The following CLIC4 variants were observed in gnomAD, a reference collection of about 807,000 sequenced individuals.
CLIC4 encodes CLIC family member 4.
Under a neutral mutation model 24.6 loss-of-function variants are expected in CLIC4, and 13 were observed. That is an observed-to-expected ratio of 0.53 (90% confidence interval 0.34 to 0.84). The LOEUF is 0.84. Among genes scored for constraint, CLIC4 ranks in the 40% least tolerant of loss-of-function variants. CLIC4 has a pLI of 0.01. For missense variants in CLIC4, 227 were observed against 301.7 expected (o/e 0.75, Z 1.83); for synonymous variants, 104 against 111.3 (o/e 0.93, Z 0.41).
At chr1:24,784,101 C>T (rs1273171658) in intron 1 of CLIC4, among the ~76,000 whole-genome samples, 1 of 150,640 alleles carries the variant, frequency 6.6e-6, no homozygotes, top group Non-Finnish European at 1.5e-5. Context: ...TTGTGTTTCA[C>T]TCTATTTTCA....
chr1:24,815,699 C>G (rs1033526276), intron 3 of CLIC4, among the ~76,000 whole-genome samples: 5 of 152,134 alleles, frequency 3.3e-5, no homozygotes, highest in African/African-American at 1.2e-4. Context: ...CTCTTCCTTT[C>G]ATGAAAGATT....
rs376612348 is a variant in CLIC4, at chr1:24,772,588, C to T, written c.73-25154C>T. ...GCAGTCTCCGCCTCCCAGATTCAAG[C>T]GATTCTCCTGCCTCAGCCTCCTGAG... is the stretch of plus-strand genomic sequence containing the variant. On this transcript the variant is annotated intron_variant, in intron 1 of 5. Transcript: ENST00000374379. 5.6e-4 allele frequency among the ~76,000 whole-genome samples: 86 copies of T among 152,236 alleles called. 3 individuals are homozygous for T. The South Asian group carries it at 0.017, about 30-fold the overall frequency.
At chr1:24,782,730 A>T (rs1639219612) in intron 1 of CLIC4, among the ~76,000 whole-genome samples, 1 of 152,200 alleles carries the variant, frequency 6.6e-6, no homozygotes, top group Non-Finnish European at 1.5e-5. Context: ...CTGTAATCCC[A>T]CCGCTTTCGG....
chr1:24,803,571 AT>A (rs974457408), intron 2 of CLIC4, among the ~76,000 whole-genome samples: 1 of 152,178 alleles, frequency 6.6e-6, no homozygotes, highest in Non-Finnish European at 1.5e-5. Flanking sequence ...GGTGGGAGTC[AT>A]TTCCAAATCT....
chr1:24,807,732 T>C (rs1557808700), intron 2 of CLIC4, among the ~76,000 whole-genome samples: 1 of 152,194 alleles, frequency 6.6e-6, no homozygotes, highest in Non-Finnish European at 1.5e-5. Context: ...AAAAGAAATT[T>C]AGAACTCATA....
At chr1:24,805,086 C>CAAAAAAAAAAAAAAAAAAAAA in intron 2 of CLIC4, among the ~76,000 whole-genome samples, 1 of 46,786 alleles carries the variant, frequency 2.1e-5, no homozygotes, top group Non-Finnish European at 4.3e-5. Context: ...GACTCCATGT[C>CAAAAAAAAAAAAAAAAAAAAA]AAAAAAAAAA....
chr1:24,796,796 C>A (rs1452468298), intron 1 of CLIC4, among the ~76,000 whole-genome samples: 1 of 152,040 alleles, frequency 6.6e-6, no homozygotes, highest in African/African-American at 2.4e-5. Context: ...CAAAAAAATT[C>A]AGTTCACTTG....
intron 1 of CLIC4, among the ~76,000 whole-genome samples, chr1:24,759,012 G>A (rs1638887713): frequency 6.6e-6 from 1 of 152,042 alleles, no homozygotes; most frequent in South Asian, 2.1e-4. Context: ...ATCTTCTTTA[G>A]AACATTTGAT....
chr1:24,746,512 A>G (rs1242198395), intron 1 of CLIC4, among the ~76,000 whole-genome samples: 2 of 152,162 alleles, frequency 1.3e-5, no homozygotes, highest in African/African-American at 4.8e-5. Context: ...CAAAGGAGAG[A>G]GTCGAAGTTA....
At chr1:24,820,267 CTTTTTTTTTT>C (rs372726009) in intron 3 of CLIC4, among the ~76,000 whole-genome samples, 1 of 49,772 alleles carries the variant, frequency 2.0e-5, no homozygotes, top group African/African-American at 9.0e-5. Context: ...CCTTTTTGGT[CTTTTTTTTTT>C]TTTTTTTTTT....
In CLIC4 at chr1:24,755,704, A is replaced by T. The variant is rs1638838829; in HGVS notation, c.72+10079A>T. ...AAATAAAACCAAAAAACAAAATTAA[A>T]AAAAAAATAATAAAACCAGGATAAT... On this transcript the variant is annotated intron_variant, in intron 1 of 5. Transcript: ENST00000374379. Among the ~76,000 whole-genome samples, 5 of 152,202 alleles carry T rather than the reference A, an allele frequency of 3.3e-5. No individual in the cohort carries two copies. In the South Asian group the frequency reaches 1.0e-3, roughly 32 times the overall value.
chr1:24,784,090 C>G (rs1308056095), intron 1 of CLIC4, among the ~76,000 whole-genome samples: 2 of 149,172 alleles, frequency 1.3e-5, no homozygotes, highest in Admixed American at 1.3e-4. Context: ...CATTCTTTAA[C>G]TTGTGTTTCA....
chr1:24,824,996 T>TCACACACACACACA (rs3220273), intron 3 of CLIC4, among the ~76,000 whole-genome samples: 20 of 133,958 alleles, frequency 1.5e-4, no homozygotes, highest in East Asian at 6.8e-4. Context: ...GGAGACCCTG[T>TCACACACACACACA]CACACACACA....
rs117509767 is a variant in CLIC4, at chr1:24,780,282, T to A, written c.73-17460T>A. ...TCACACTCATGCTTAAGTAGAAGAA[T>A]CAATATCTCAAACCAGGCACTTTGC... On this transcript the variant is annotated intron_variant, in intron 1 of 5. Transcript: ENST00000374379. Among the ~76,000 whole-genome samples the A allele has an allele frequency of 2.0e-3, 301 of 152,344 alleles. 5 individuals carry two copies. Among genetic ancestry groups the A allele is most frequent in the Admixed American group, 0.014 (220 of 15,304 alleles).
At chr1:24,827,268 C>A in intron 4 of CLIC4, 152 bp downstream of exon 4, 1 of 561,282 alleles carries the variant, frequency 1.8e-6, no homozygotes, top group Non-Finnish European at 3.2e-6. Flanking sequence ...AGAAATTGGA[C>A]AATAAACTGG....
intron 2 of CLIC4, among the ~76,000 whole-genome samples, chr1:24,806,572 A>G (rs1174628868): frequency 1.3e-5 from 2 of 152,212 alleles, no homozygotes; most frequent in Non-Finnish European, 2.9e-5. Flanking sequence ...AATCACAAAT[A>G]TTAATGGAAA....
chr1:24,760,945 A>C (rs1638919564), intron 1 of CLIC4, among the ~76,000 whole-genome samples: 1 of 152,152 alleles, frequency 6.6e-6, no homozygotes. Context: ...AAGCAGGGAG[A>C]CTAATTAGAG....
intron 2 of CLIC4, among the ~76,000 whole-genome samples, chr1:24,803,326 A>C (rs1038884785): frequency 6.6e-6 from 1 of 152,158 alleles, no homozygotes; most frequent in Admixed American, 6.5e-5. Context: ...ACCAGTGGAG[A>C]ACAATAGAAC....
chr1:24,753,794 G>A (rs1049580387), intron 1 of CLIC4, among the ~76,000 whole-genome samples: 3 of 152,172 alleles, frequency 2.0e-5, no homozygotes, highest in African/African-American at 7.2e-5. Context: ...ACTTGGGAAG[G>A]TGCAAATGGA....
Sources: gnomAD v4.1 joint callset for allele counts (sites outside exome capture counted in the v4.1 genomes callset) on GRCh38, gnomAD v4.1.1 for gene constraint, MANE v1.5 for transcripts, NCBI Gene and HGNC (gene_info 2026-07-23, HGNC 2026-07-21) for gene names.